ARK2C: variants seen among roughly 807,000 people sequenced by gnomAD.
The protein encoded by ARK2C is arkadia (RNF111) C-terminal like ring finger ubiquitin ligase 2C.
chr18:46,418,984 A>C, the ARK2C span, among the ~76,000 whole-genome samples: 4 of 152,260 alleles, frequency 2.6e-5, no homozygotes, highest in African/African-American at 9.6e-5. Context: ...TAAAAGTGAG[A>C]GAGAGAGCAA....
At chr18:46,441,540 C>A in the ARK2C span, among the ~76,000 whole-genome samples, 1 of 152,202 alleles carries the variant, frequency 6.6e-6, no homozygotes, top group Admixed American at 6.5e-5. Context: ...TTCTCTCTTT[C>A]ATTCTTGATC....
the ARK2C span, chr18:46,447,596 T>C: frequency 2.6e-5 from 42 of 1,613,956 alleles, no homozygotes; most frequent in Non-Finnish European, 3.3e-5. Flanking sequence ...TGAGTCCTGC[T>C]CAGTTCCAGG....
At chr18:46,366,071 T>C in the ARK2C span, among the ~76,000 whole-genome samples, 1 of 151,918 alleles carries the variant, frequency 6.6e-6, no homozygotes, top group Admixed American at 6.6e-5. Context: ...GGAGGGCGGA[T>C]CACCTGAGGT....
At chr18:46,458,255 G>T in the ARK2C span, 1 of 152,656 alleles carries the variant, frequency 6.6e-6, no homozygotes, top group Non-Finnish European at 1.5e-5. Flanking sequence ...AAAGGGAGCA[G>T]AGAGATAAGA....
chr18:46,404,171 T>C, the ARK2C span, among the ~76,000 whole-genome samples: 1 of 152,202 alleles, frequency 6.6e-6, no homozygotes, highest in Non-Finnish European at 1.5e-5. Context: ...TCAGCTATGA[T>C]TCTTGATTTC....
chr18:46,447,545 G>T, the ARK2C span: 2 of 1,613,864 alleles, frequency 1.2e-6, no homozygotes, highest in African/African-American at 2.7e-5. Context: ...ATGGTTCACT[G>T]AGGCTGTTTC....
At chr18:46,452,912 T>C in the ARK2C span, among the ~76,000 whole-genome samples, 10 of 152,212 alleles carry the variant, frequency 6.6e-5, no homozygotes, top group African/African-American at 2.4e-4. Context: ...CCTCCCCCTT[T>C]TAAAATGTGA....
At chr18:46,389,357 G>A in the ARK2C span, among the ~76,000 whole-genome samples, 11 of 152,322 alleles carry the variant, frequency 7.2e-5, no homozygotes, top group East Asian at 2.1e-3. Flanking sequence ...ATCACTGTAA[G>A]TTCTAAACAC....
chr18:46,335,397 T>C, the ARK2C span: 3 of 152,140 alleles, frequency 2.0e-5, no homozygotes, highest in Admixed American at 6.5e-5. Context: ...CACTCCACAT[T>C]TCTTTCATTT....
At chr18:46,461,850 G>A in the ARK2C span, 2 of 152,178 alleles carry the variant, frequency 1.3e-5, no homozygotes, top group African/African-American at 2.4e-5. Context: ...TATAGGACGT[G>A]CCCTTTCATA....
At chr18:46,367,220 A>G in the ARK2C span, among the ~76,000 whole-genome samples, 2 of 152,092 alleles carry the variant, frequency 1.3e-5, no homozygotes, top group African/African-American at 4.8e-5. Context: ...CAACTGGTTC[A>G]ATTCTGCTCC....
chr18:46,431,334 G>T, the ARK2C span, among the ~76,000 whole-genome samples: 1 of 152,132 alleles, frequency 6.6e-6, no homozygotes, highest in Non-Finnish European at 1.5e-5. Context: ...GGTCACTAAA[G>T]CTGTCTAGAA....
chr18:46,336,951 G>A, the ARK2C span: 5 of 985,226 alleles, frequency 5.1e-6, no homozygotes, highest in East Asian at 3.4e-4. Context: ...GTGCACCAAG[G>A]TCCCTGGCTT....
chr18:46,427,080 G>C, the ARK2C span, among the ~76,000 whole-genome samples: 1 of 152,208 alleles, frequency 6.6e-6, no homozygotes, highest in African/African-American at 2.4e-5. Context: ...AGGCCCCAGG[G>C]GGCAAGGTGG....
At chr18:46,437,286 C>G in the ARK2C span, among the ~76,000 whole-genome samples, 1 of 151,862 alleles carries the variant, frequency 6.6e-6, no homozygotes, top group Admixed American at 6.6e-5. Flanking sequence ...CGGGGGCCAG[C>G]CTAGTGGCGC....
At chr18:46,387,330 C>G in the ARK2C span, among the ~76,000 whole-genome samples, 3 of 152,226 alleles carry the variant, frequency 2.0e-5, no homozygotes, top group Non-Finnish European at 4.4e-5. Context: ...CCCCATCCTC[C>G]ATGATTCCAG....
At chr18:46,337,509 G>A in the ARK2C span, 1 of 985,314 alleles carries the variant, frequency 1.0e-6, no homozygotes, top group Non-Finnish European at 1.2e-6. Flanking sequence ...CTCATTGTAC[G>A]CTGCTTTTGT....
At chr18:46,368,901 G>A in the ARK2C span, among the ~76,000 whole-genome samples, 1 of 152,208 alleles carries the variant, frequency 6.6e-6, no homozygotes, top group Non-Finnish European at 1.5e-5. Context: ...AGTACACATA[G>A]TGTTTAGAAC....
the ARK2C span, among the ~76,000 whole-genome samples, chr18:46,373,363 C>T: frequency 3.9e-5 from 6 of 152,226 alleles, no homozygotes; most frequent in African/African-American, 7.2e-5. Context: ...ATCTGGAAGG[C>T]GGCTGGCCTG....
Sources: gnomAD v4.1 joint callset for allele counts (sites outside exome capture counted in the v4.1 genomes callset) on GRCh38, gnomAD v4.1.1 for gene constraint, MANE v1.5 for transcripts, NCBI Gene and HGNC (gene_info 2026-07-23, HGNC 2026-07-21) for gene names.